The following LZTR1 variants were observed in gnomAD, a reference collection of about 807,000 sequenced individuals.
LZTR1 encodes the protein leucine-zipper-like transcriptional regulator 1.
A neutral mutation model predicts 105.7 loss-of-function variants in LZTR1; 260 were observed. The observed-to-expected ratio is 2.46, with a 90% CI of 2.22 to 2.72. LZTR1 has a LOEUF of 2.72. Among genes scored for constraint, LZTR1 ranks in the 30% most tolerant of loss-of-function variants. The probability of loss-of-function intolerance (pLI) is 0.00; values close to 1 mark genes in which losing one functional copy is unlikely to be tolerated. For synonymous variants in LZTR1, 490 were observed against 476.4 expected (o/e 1.03, Z -0.37); for missense variants, 1,214 against 1,166.9 (o/e 1.04, Z -0.59).
Position 20,995,810 on chromosome 22 carries a change from C to T in LZTR1, c.2007C>T (p.Ile669=), listed in dbSNP as rs138664443. ...GAGCGGGCGCGGAATTCTGTGACAT[C>T]ACTCTGTTGCTTGACGGGCACCCAC... The part of the protein sequence containing the change: ...LEGAGAEFCD[I]TLLLDGHPRP... The change falls in exon 17 of 21, where the codon ATC becomes ATT. Residue 669 remains isoleucine (I), a synonymous_variant. Coordinates refer to ENST00000646124, the MANE Select transcript of LZTR1 (RefSeq NM_006767.4). The T allele has an allele frequency of 6.5e-4, 1,042 of 1,613,486 alleles. 6 individuals are homozygous for T. The African/African-American group carries it at 0.013, about 19-fold the overall frequency.
In LZTR1 at chr22:20,994,589, T is replaced by C; in HGVS notation, c.1647T>C (p.Asp549=). The part of the protein sequence containing the change: ...GHVEDVLLIM[D]VYKLALSFQL... ...TGGAGGATGTGCTGCTCATCATGGA[T>C]GTGTACAAACTGGCACTGAGCTTCC... is the stretch of plus-strand genomic sequence containing the variant. Residue 549 remains aspartate, a synonymous_variant, in exon 15 of 21, where the codon GAT becomes GAC. Coordinates refer to ENST00000646124, the MANE Select transcript of LZTR1 (RefSeq NM_006767.4). 6.2e-7 allele frequency: 1 copy of C among 1,612,060 alleles called. No homozygotes were observed. Among genetic ancestry groups the C allele is most frequent in the Non-Finnish European group, 8.5e-7 (1 of 1,179,958 alleles).
At chr22:20,993,846 C>T in intron 12 of LZTR1, 78 bp from the exon 13 acceptor site, 1 of 1,565,404 alleles carries the variant, frequency 6.4e-7, no homozygotes, top group Non-Finnish European at 8.7e-7. Context: ...CCTGGTGGTG[C>T]TGACCTTGGC....
intron 2 of LZTR1, among the ~76,000 whole-genome samples, chr22:20,985,539 G>A (rs1267739549): frequency 6.9e-6 from 1 of 145,868 alleles, no homozygotes; most frequent in Non-Finnish European, 1.5e-5. Context: ...TCTGGCCTTT[G>A]GGCCATTTCA....
chr22:20,994,272 C>T lies in LZTR1; in HGVS notation c.1615+3C>T. On this transcript the variant is annotated splice_donor_region_variant and intron_variant, in intron 14 of 20. Transcript: ENST00000646124. ...CAAGATCAAATACCCACGGAAAGGT[C>T]CGCCTGGGTGGGGGTGGAGCAGGGT... 6.3e-7 allele frequency: 1 copy of T among 1,597,290 alleles called. No homozygotes were observed. Among genetic ancestry groups the T allele is most frequent in the Non-Finnish European group, 8.5e-7 (1 of 1,178,954 alleles).
chr22:20,991,508 C>T (rs1924603174), intron 8 of LZTR1, 120 bp from the exon 9 acceptor site: 2 of 780,022 alleles, frequency 2.6e-6, no homozygotes, highest in Admixed American at 2.5e-5. Flanking sequence ...CCCTCTGGAC[C>T]CTGGGCTAGT....
rs1451642530 is a variant in LZTR1 at position 20,994,907 on chromosome 22, T to G, written c.1823T>G (p.Phe608Cys). The G allele has an allele frequency of 1.2e-6, 2 of 1,613,288 alleles. No individual in the cohort carries two copies. Among genetic ancestry groups the G allele is most frequent in the African/African-American group, 2.7e-5 (2 of 74,920 alleles). Reference protein sequence around the residue: ...CLNFVVKESHFNQVIMMKEFE... With the variant: ...CLNFVVKESHCNQVIMMKEFE... ...AACTTCGTGGTAAAGGAGTCCCACTTCAACCAGGTGATCATGATGAAGGAG... is the reference window on the plus strand; with the variant it reads ...AACTTCGTGGTAAAGGAGTCCCACTGCAACCAGGTGATCATGATGAAGGAG... The change falls in exon 16 of 21, where the codon TTC becomes TGC. Residue 608 changes from phenylalanine (F) to cysteine (C), a missense_variant. Transcript: ENST00000646124.
rs2147961908 is a variant in LZTR1 at position 20,988,000 on chromosome 22, C to G, written c.401-10C>G. On this transcript the variant is annotated splice_polypyrimidine_tract_variant and intron_variant, in intron 4 of 20. Transcript: ENST00000646124. ...TTTGGGTTTGACAGTTTCTCACTCT[C>G]TTTACTCAGGGGGTTACACTGGGGA... is the stretch of plus-strand genomic sequence containing the variant. 15 of 1,526,278 alleles carry G rather than the reference C, an allele frequency of 9.8e-6. 1 individual carries two copies. Among genetic ancestry groups the G allele is most frequent in the Non-Finnish European group, 1.4e-5 (15 of 1,102,354 alleles). 94.5% of individuals were successfully genotyped at this position (1,526,278 alleles called of 1,614,324 possible).
intron 20 of LZTR1, 127 bp downstream of exon 20, chr22:20,997,093 GC>G: frequency 8.7e-7 from 1 of 1,149,670 alleles, no homozygotes; most frequent in African/African-American, 1.5e-5. Flanking sequence ...AAGCAGAGCA[GC>G]CCATCACTGG....
At chr22:20,986,134 C>T (rs764542039) in intron 3 of LZTR1, 2 of 551,262 alleles carry the variant, frequency 3.6e-6, no homozygotes, top group Non-Finnish European at 6.5e-6. Context: ...CGGCACCCTT[C>T]TGGGCTGTCC....
chr22:20,988,144 G>A, intron 5 of LZTR1, 26 bp downstream of exon 5: 12 of 1,468,270 alleles, frequency 8.2e-6, no homozygotes, highest in Non-Finnish European at 1.1e-5. Context: ...GAAACATTTG[G>A]GACAGGCTGG....
chr22:20,996,064 T>G lies in LZTR1; in HGVS notation c.2171T>G (p.Leu724Arg), dbSNP rs766095536. The G allele has an allele frequency of 6.2e-7, 1 of 1,613,460 alleles. No individual in the cohort carries two copies. Among genetic ancestry groups the G allele is most frequent in the Non-Finnish European group, 8.5e-7 (1 of 1,180,018 alleles). Residue 724 changes from leucine to arginine, a missense_variant, in exon 18 of 21, where the codon CTG (leucine) becomes CGG (arginine). Physicochemically the swap from Leu to Arg is moderately radical, Grantham distance 102. Coordinates refer to ENST00000646124, the MANE Select transcript of LZTR1 (RefSeq NM_006767.4). ...AGCAGGCAGGCCTTCGAGTCCATGC[T>G]GCGCTACATCTACTACGGCGAGGTC... ...VPSRQAFESM[L>R]RYIYYGEVNM...
rs71314756 is a variant in LZTR1, at chr22:20,998,627, G to A, written c.*1279G>A. On this transcript the variant is annotated 3_prime_UTR_variant, in exon 21 of 21. Transcript: ENST00000646124. ...GATCCATAGGCAGCCTGCAGGCTAG[G>A]AAGTGGCCTAGTGCAAGATGAGCTG... is the stretch of plus-strand genomic sequence containing the variant. 6.5e-6 allele frequency: 1 copy of A among 152,878 alleles called. No homozygotes were observed. The highest frequency in any genetic ancestry group is 6.5e-5 in the Admixed American group (1 of 15,294). 9.5% of individuals were successfully genotyped at this position (152,878 alleles called of 1,614,324 possible). A position where few individuals can be genotyped will look rare whatever the true frequency, so the allele number is the denominator to read the frequency against.
chr22:20,993,451 G>A (rs925382741), intron 11 of LZTR1: 19 of 590,054 alleles, frequency 3.2e-5, no homozygotes, highest in East Asian at 2.8e-5. Flanking sequence ...CTGTGGAGCC[G>A]GCCGTGGACA....
In LZTR1 at chr22:20,994,167, C is replaced by T. The variant is rs770974858; in HGVS notation, c.1513C>T (p.Arg505Trp). The T allele has an allele frequency of 5.3e-5, 85 of 1,597,214 alleles. No homozygotes were observed. Among genetic ancestry groups the T allele is most frequent in the Middle Eastern group, 5.0e-4 (3 of 5,968 alleles). Residue 505 changes from arginine (R) to tryptophan (W), a missense_variant, in exon 14 of 21, where the codon CGG (arginine) becomes TGG (tryptophan). Arg to Trp is a moderately radical substitution (Grantham distance 101, BLOSUM62 -3). Transcript: ENST00000646124. ...EAPGVAAGGARPPLLHVAIRE... is the reference protein window; with the variant it reads ...EAPGVAAGGAWPPLLHVAIRE... ...CCCCGGCGTGGCTGCTGGTGGGGCC[C>T]GGCCGCCCCTGCTGCACGTGGCCAT...
At chr22:20,985,037 A>G (rs1035712653) in intron 2 of LZTR1, among the ~76,000 whole-genome samples, 24 of 149,106 alleles carry the variant, frequency 1.6e-4, no homozygotes, top group African/African-American at 5.6e-4. Flanking sequence ...GAGCCTGGGC[A>G]GGAAAGCAAG....
chr22:20,996,500 C>T lies in LZTR1; in HGVS notation c.2220-196C>T, dbSNP rs572740493. On this transcript the variant is annotated intron_variant, in intron 18 of 20. Coordinates refer to ENST00000646124, the MANE Select transcript of LZTR1 (RefSeq NM_006767.4). ...GAACAGCGCTACAGATGTACAGACA[C>T]TATTTTTCTCGGGAGGGGATTCATG... 1.2e-3 allele frequency: 750 copies of T among 608,532 alleles called. 3 individuals carry two copies. The highest frequency in any genetic ancestry group is 3.1e-3 in the Middle Eastern group (7 of 2,282). 37.7% of individuals were successfully genotyped at this position (608,532 alleles called of 1,614,324 possible).
rs771706016 is a variant in LZTR1, at chr22:20,983,077, G to A, written c.251G>A (p.Gly84Asp). 1.2e-6 allele frequency: 2 copies of A among 1,614,052 alleles called. No individual in the cohort carries two copies. The highest frequency in any genetic ancestry group is 1.7e-6 in the Non-Finnish European group (2 of 1,179,906). ...VAYKDAIYVF[G>D]GDNGKTMLND... ...TATAAAGATGCCATTTATGTATTTG[G>A]TGGAGACAATGGGTGAGTGAGTCTC... The change falls in exon 2 of 21, where the codon GGT becomes GAT. Residue 84 changes from glycine to aspartate, a missense_variant. Transcript: ENST00000646124.
Position 20,996,657 on chromosome 22 carries a change from G to A in LZTR1, c.2220-39G>A, listed in dbSNP as rs759275583. ...GTCCTTCCCTGGGAGGGTGCGGGCGGACCAGCTTCCTTTAGTCAGCTCCTT... is the reference window on the plus strand; with the variant it reads ...GTCCTTCCCTGGGAGGGTGCGGGCGAACCAGCTTCCTTTAGTCAGCTCCTT... On this transcript the variant is annotated intron_variant, in intron 18 of 20. Transcript: ENST00000646124. The A allele has an allele frequency of 3.8e-6, 6 of 1,579,320 alleles. No homozygotes were observed. The South Asian group carries it at 5.6e-5, about 15-fold the overall frequency.
At chr22:20,987,194 G>A (rs548814269) in intron 3 of LZTR1, 8 of 248,102 alleles carry the variant, frequency 3.2e-5, no homozygotes, top group African/African-American at 1.3e-4. Flanking sequence ...AGAACTTCAA[G>A]ACCAGCCTGG....
Sources: gnomAD v4.1 joint callset for allele counts (sites outside exome capture counted in the v4.1 genomes callset) on GRCh38, gnomAD v4.1.1 for gene constraint, MANE v1.5 for transcripts, NCBI Gene and HGNC (gene_info 2026-07-23, HGNC 2026-07-21) for gene names.